GRIP1: variants seen among roughly 807,000 people sequenced by gnomAD.
GRIP1 encodes the protein glutamate receptor-interacting protein 1.
A neutral mutation model predicts 129.9 loss-of-function variants in GRIP1; 45 were observed. The observed-to-expected ratio is 0.35, with a 90% CI of 0.27 to 0.44. The LOEUF is 0.44. Ranked by LOEUF, GRIP1 falls within the 20% of genes least tolerant of loss-of-function variation. The pLI, the probability that GRIP1 is intolerant of heterozygous loss-of-function variation, is 1.00. For synonymous variants in GRIP1, 530 were observed against 520.8 expected (o/e 1.02, Z -0.24); for missense variants, 1,196 against 1,396.8 (o/e 0.86, Z 2.29).
chr12:66,954,120 C>T (rs979257290), intron 1 of GRIP1, among the ~76,000 whole-genome samples: 8 of 152,174 alleles, frequency 5.3e-5, no homozygotes, highest in African/African-American at 1.9e-4. Context: ...TATCACCTCT[C>T]ATACTTTTAT....
rs1231890963 is a variant in GRIP1 at position 66,436,886 on chromosome 12, T to C, written c.1688-4258A>G. Among the ~76,000 whole-genome samples, 10 of 148,570 alleles carry C rather than the reference T, an allele frequency of 6.7e-5. No individual in the cohort carries two copies. In the Admixed American group the frequency reaches 6.9e-4, roughly 10 times the overall value. On this transcript the variant is annotated intron_variant, in intron 13 of 24. Coordinates refer to ENST00000359742, the MANE Select transcript of GRIP1 (RefSeq NM_001366722.1). ...CTATAATCCCAGCTACTTGGGAGGC[T>C]GAGGCACAAGAATTGGTTGAACCCA...
intron 1 of GRIP1, among the ~76,000 whole-genome samples, chr12:66,743,546 C>T (rs1360826236): frequency 6.6e-6 from 1 of 151,732 alleles, no homozygotes; most frequent in Admixed American, 6.6e-5. Flanking sequence ...TCATACTTTC[C>T]AAGGGACAAG....
At chr12:66,524,069 C>A (rs986916383) in intron 5 of GRIP1, among the ~76,000 whole-genome samples, 3 of 152,168 alleles carry the variant, frequency 2.0e-5, no homozygotes, top group Non-Finnish European at 4.4e-5. Flanking sequence ...GACTCCCACA[C>A]AATAATAATG....
chr12:66,520,678 C>T (rs555088912), intron 5 of GRIP1, among the ~76,000 whole-genome samples: 17 of 152,316 alleles, frequency 1.1e-4, no homozygotes, highest in African/African-American at 3.6e-4. Context: ...GTTTTACTAA[C>T]ATTACATCAT....
At chr12:66,359,256 C>T (rs979846016) in intron 23 of GRIP1, among the ~76,000 whole-genome samples, 2 of 152,212 alleles carry the variant, frequency 1.3e-5, no homozygotes, top group Admixed American at 6.5e-5. Flanking sequence ...CTAGGAAACT[C>T]ACTTTGGTCT....
At chr12:66,914,306 A>C in intron 1 of GRIP1, among the ~76,000 whole-genome samples, 1 of 152,236 alleles carries the variant, frequency 6.6e-6, no homozygotes, top group South Asian at 2.1e-4. Context: ...TTAACAATAT[A>C]GGTAAAGTTT....
At chr12:66,597,709 G>C (rs541976887) in intron 1 of GRIP1, among the ~76,000 whole-genome samples, 28 of 152,220 alleles carry the variant, frequency 1.8e-4, no homozygotes, top group African/African-American at 6.5e-4. Context: ...AAAACAGCAG[G>C]TGACAAGATC....
At chr12:66,589,473 CAA>C in intron 2 of GRIP1, among the ~76,000 whole-genome samples, 1 of 152,082 alleles carries the variant, frequency 6.6e-6, no homozygotes, top group East Asian at 1.9e-4. Flanking sequence ...TTGTGGTTGT[CAA>C]AGTCATGTCT....
At chr12:66,692,571 A>G (rs1050833308) in intron 1 of GRIP1, among the ~76,000 whole-genome samples, 4 of 152,314 alleles carry the variant, frequency 2.6e-5, no homozygotes, top group African/African-American at 9.6e-5. Flanking sequence ...TGAATAAAGT[A>G]TGTCTGGTGA....
chr12:66,942,034 C>T (rs1223905371), intron 1 of GRIP1, among the ~76,000 whole-genome samples: 3 of 152,170 alleles, frequency 2.0e-5, no homozygotes, highest in Non-Finnish European at 4.4e-5. Context: ...ATTATATCTG[C>T]TAGCTTTCAT....
intron 1 of GRIP1, among the ~76,000 whole-genome samples, chr12:66,672,378 A>G (rs2034123199): frequency 6.6e-6 from 1 of 152,170 alleles, no homozygotes; most frequent in South Asian, 2.1e-4. Flanking sequence ...TGACTGAGAC[A>G]TCCAAGACCA....
At chr12:67,025,844 TTAAC>T (rs1259907340) in intron 1 of GRIP1, among the ~76,000 whole-genome samples, 6 of 152,218 alleles carry the variant, frequency 3.9e-5, no homozygotes, top group East Asian at 1.9e-4. Flanking sequence ...GCATAAATTA[TTAAC>T]TAACTTTTAA....
At chr12:67,034,954 T>A (rs968708162) in intron 1 of GRIP1, among the ~76,000 whole-genome samples, 6 of 152,144 alleles carry the variant, frequency 3.9e-5, no homozygotes, top group Non-Finnish European at 7.4e-5. Context: ...AATTTGAACT[T>A]TCTCAAAAAA....
At chr12:66,549,248 G>A (rs894235793) in intron 2 of GRIP1, among the ~76,000 whole-genome samples, 1 of 152,100 alleles carries the variant, frequency 6.6e-6, no homozygotes, top group South Asian at 2.1e-4. Context: ...ATGGGGTGGT[G>A]AGCATCAGCT....
chr12:66,909,596 A>G (rs2040995399), intron 1 of GRIP1, among the ~76,000 whole-genome samples: 1 of 152,334 alleles, frequency 6.6e-6, no homozygotes, highest in African/African-American at 2.4e-5. Flanking sequence ...ACTTATAGCC[A>G]ATTAGAATTT....
At chr12:66,873,255 A>G (rs1407718363) in intron 1 of GRIP1, among the ~76,000 whole-genome samples, 1 of 152,080 alleles carries the variant, frequency 6.6e-6, no homozygotes, top group Middle Eastern at 3.2e-3. Context: ...CAGTCACAAG[A>G]GGAGGGAATT....
chr12:67,066,888 T>TTA lies in GRIP1; in HGVS notation c.58+2160_58+2161dup, dbSNP rs1555170033. 3.8e-3 allele frequency among the ~76,000 whole-genome samples: 481 copies of TTA among 125,638 alleles called. 4 individuals are homozygous for TTA. Among genetic ancestry groups the TTA allele is most frequent in the African/African-American group, 0.01 (349 of 34,302 alleles). The allele number at this position is 125,638 out of a possible 152,430, so 82.4% of individuals were successfully genotyped here. A position where few individuals can be genotyped will look rare whatever the true frequency, so the allele number is the denominator to read the frequency against. Reference sequence around the variant, plus strand: ...TAGGCAGCTCAGTTTAAATATATATTTATATATATATATATATATATATAC... The same window carrying TTA: ...TAGGCAGCTCAGTTTAAATATATATTTATATATATATATATATATATATATAC... On this transcript the variant is annotated intron_variant, in intron 1 of 1. Transcript: ENST00000643019.
chr12:66,580,724 T>G (rs1038240742), intron 2 of GRIP1, among the ~76,000 whole-genome samples: 2 of 151,154 alleles, frequency 1.3e-5, no homozygotes, highest in Non-Finnish European at 2.9e-5. Context: ...TAAATATATA[T>G]GCACCCAATA....
intron 1 of GRIP1, among the ~76,000 whole-genome samples, chr12:66,598,146 T>A (rs1386918585): frequency 2.0e-5 from 3 of 152,192 alleles, no homozygotes; most frequent in Non-Finnish European, 4.4e-5. Context: ...GGCCTTATCA[T>A]CTGAGAATAT....
Sources: allele counts gnomAD v4.1 joint callset (sites outside exome capture counted in the v4.1 genomes callset), GRCh38; gene constraint gnomAD v4.1.1; transcripts MANE v1.5; gene names NCBI Gene and HGNC (gene_info 2026-07-23, HGNC 2026-07-21).